Variants in UHRF2 observed in about 807,000 individuals in gnomAD.
UHRF2 encodes the protein ubiquitin like with PHD and ring finger domains 2, also known as E3 ubiquitin-protein ligase UHRF2.
Under a neutral mutation model 96.8 loss-of-function variants are expected in UHRF2, and 23 were observed. That is an observed-to-expected ratio of 0.24 (90% confidence interval 0.17 to 0.34). The LOEUF (loss-of-function observed/expected upper bound fraction) is 0.34, where lower values mean the gene tolerates loss of function less well. UHRF2 is among the 10% of genes least tolerant of loss of function. UHRF2 has a pLI of 1.00. For synonymous variants in UHRF2, 385 were observed against 332.6 expected (o/e 1.16, Z -1.72); for missense variants, 685 against 981.5 (o/e 0.70, Z 4.04).
chr9:6,469,900 G>A (rs940021199), intron 4 of UHRF2, among the ~76,000 whole-genome samples: 1 of 151,862 alleles, frequency 6.6e-6, no homozygotes, highest in Admixed American at 6.6e-5. Context: ...AAAGATACAA[G>A]TTCAGGTCAA....
chr9:6,498,073 A>G lies in UHRF2; in HGVS notation c.1823A>G (p.Tyr608Cys). ...SSSHGFLVWR[Y>C]LLRRDDVEPA... ...AGCCATGGATTCTTGGTTTGGCGCT[A>G]TCTTTTAAGAAGAGATGATGTTGAA... Residue 608 changes from tyrosine (Y) to cysteine (C), a missense_variant, in exon 12 of 16, where the codon TAT (tyrosine) becomes TGT (cysteine). By Grantham distance (194) the Tyr-to-Cys change is radical. This residue lies in a region of UHRF2 where 73 missense variants were observed against 283.7 expected (regional missense o/e 0.26). Coordinates refer to ENST00000276893, the MANE Select transcript of UHRF2 (RefSeq NM_152896.3). 6.2e-7 allele frequency: 1 copy of G among 1,613,884 alleles called. No homozygotes were observed. Among genetic ancestry groups the G allele is most frequent in the Non-Finnish European group, 8.5e-7 (1 of 1,179,956 alleles).
chr9:6,499,425 A>G (rs1216108816), intron 12 of UHRF2: 1 of 152,330 alleles, frequency 6.6e-6, no homozygotes. Flanking sequence ...TGTTCTTGAT[A>G]TTTTTTTAGA....
chr9:6,421,197 T>C (rs1354870566), intron 2 of UHRF2, 55 bp downstream of exon 2: 9 of 1,323,324 alleles, frequency 6.8e-6, no homozygotes, highest in African/African-American at 4.5e-5. Flanking sequence ...ATTTATTTTC[T>C]GTTCAGGATG....
At chr9:6,450,667 T>C (rs888510093) in intron 3 of UHRF2, among the ~76,000 whole-genome samples, 2 of 152,238 alleles carry the variant, frequency 1.3e-5, no homozygotes, top group African/African-American at 4.8e-5. Context: ...AGTATTATTA[T>C]GAACTTCCAG....
At chr9:6,460,110 A>G (rs1822439911) in intron 3 of UHRF2, among the ~76,000 whole-genome samples, 1 of 152,256 alleles carries the variant, frequency 6.6e-6, no homozygotes, top group African/African-American at 2.4e-5. Context: ...TGCTCTGGGA[A>G]GTCAAATCAT....
At chr9:6,416,811 G>C (rs59140789) in intron 1 of UHRF2, among the ~76,000 whole-genome samples, 3,509 of 152,256 alleles carry the variant, frequency 0.023, 148 homozygotes, top group African/African-American at 0.078. Flanking sequence ...ACAGGCGTGA[G>C]CCACCGCGCC....
intron 6 of UHRF2, among the ~76,000 whole-genome samples, chr9:6,481,194 T>TC (rs1823905002): frequency 6.6e-6 from 1 of 152,226 alleles, no homozygotes; most frequent in African/African-American, 2.4e-5. Flanking sequence ...CAAACATCCT[T>TC]GAAGTCCTGT....
At chr9:6,488,641 A>C (rs1164092248) in intron 9 of UHRF2, among the ~76,000 whole-genome samples, 3 of 144,704 alleles carry the variant, frequency 2.1e-5, no homozygotes, top group African/African-American at 7.8e-5. Context: ...AGCCTCCTGA[A>C]TAGCTGGGAT....
At position 6,424,127 on chromosome 9, in the gene UHRF2, CAAAAT is replaced by C. The variant is rs1563743706; in HGVS notation, c.384+2989_384+2993del. Among the ~76,000 whole-genome samples, 3 of 21,688 alleles carry C rather than the reference CAAAAT, an allele frequency of 1.4e-4. No individual in the cohort carries two copies. The Admixed American group carries it at 1.9e-3, about 13-fold the overall frequency. The allele number at this position is 21,688 out of a possible 152,430, so 14.2% of individuals were successfully genotyped here. A position where few individuals can be genotyped will look rare whatever the true frequency, so the allele number is the denominator to read the frequency against. On this transcript the variant is annotated intron_variant, in intron 2 of 15. Transcript: ENST00000276893. ...TAGATAATGCAATTAGGCAGGAGAA[CAAAAT>C]AAAGTGTAAATATTAGAGAAGGCAA...
chr9:6,499,045 T>A (rs1339746484), intron 12 of UHRF2: 1 of 152,226 alleles, frequency 6.6e-6, no homozygotes, highest in East Asian at 1.9e-4. Context: ...ATAATTCTTT[T>A]TAATATAAAA....
In UHRF2 at chr9:6,481,813, A is replaced by G. The variant is rs1823944836; in HGVS notation, c.1284+47A>G. On this transcript the variant is annotated intron_variant, in intron 7 of 15. Transcript: ENST00000276893. Reference sequence around the variant, plus strand: ...TCTTCCTAATAGCAAGTTATAATATATAATGTTTTAATACCAATAGTAGTA... The same window carrying G: ...TCTTCCTAATAGCAAGTTATAATATGTAATGTTTTAATACCAATAGTAGTA... 6.3e-7 allele frequency: 1 copy of G among 1,589,076 alleles called. No homozygotes were observed. The highest frequency in any genetic ancestry group is 8.5e-7 in the Non-Finnish European group (1 of 1,171,540).
intron 9 of UHRF2, 40 bp downstream of exon 9, chr9:6,486,965 G>A: frequency 6.3e-7 from 1 of 1,585,404 alleles, no homozygotes; most frequent in South Asian, 1.1e-5. Flanking sequence ...TACCTGCCTT[G>A]ACCATTTGTA....
intron 8 of UHRF2, among the ~76,000 whole-genome samples, chr9:6,484,444 T>C (rs1216495115): frequency 2.1e-4 from 21 of 101,424 alleles, no homozygotes; most frequent in Non-Finnish European, 3.3e-4. Context: ...TCTTCCCTCC[T>C]CCCTCCTCCC....
chr9:6,466,413 G>A (rs1430795125), intron 4 of UHRF2, among the ~76,000 whole-genome samples: 2 of 151,932 alleles, frequency 1.3e-5, no homozygotes, highest in Admixed American at 6.6e-5. Context: ...GCTGGTGCAC[G>A]CCTGTAATTC....
At chr9:6,462,865 C>G (rs1587830345) in intron 4 of UHRF2, among the ~76,000 whole-genome samples, 1 of 152,072 alleles carries the variant, frequency 6.6e-6, no homozygotes, top group African/African-American at 2.4e-5. Context: ...TGCAGTAAGC[C>G]GAGATCATGC....
intron 3 of UHRF2, among the ~76,000 whole-genome samples, chr9:6,437,881 A>G (rs762266674): frequency 4.6e-5 from 7 of 152,008 alleles, no homozygotes; most frequent in Non-Finnish European, 1.0e-4. Flanking sequence ...CCAGAGTGCG[A>G]GATTACAGGT....
chr9:6,460,729 A>G lies in UHRF2; in HGVS notation c.801A>G (p.Glu267=), dbSNP rs1241976655. The part of the protein sequence containing the change: ...PGQRGFWFDA[E]ITTLKTISRT... ...AAAGAGGATTCTGGTTTGATGCAGA[A>G]ATTACCACATTGAAGACAATCTCAA... Residue 267 remains glutamate, a synonymous_variant, in exon 4 of 16, where the codon GAA becomes GAG. Transcript: ENST00000276893. 1.2e-6 allele frequency: 2 copies of G among 1,613,972 alleles called. No homozygotes were observed. Among genetic ancestry groups the G allele is most frequent in the South Asian group, 1.1e-5 (1 of 91,068 alleles).
intron 3 of UHRF2, among the ~76,000 whole-genome samples, chr9:6,459,099 G>A (rs1408343685): frequency 2.6e-5 from 4 of 152,120 alleles, no homozygotes; most frequent in Non-Finnish European, 5.9e-5. Flanking sequence ...GATAGCATTA[G>A]GAGAAATACC....
At chr9:6,459,467 G>A (rs908977916) in intron 3 of UHRF2, among the ~76,000 whole-genome samples, 11 of 152,048 alleles carry the variant, frequency 7.2e-5, no homozygotes, top group African/African-American at 2.4e-4. Flanking sequence ...TCAGGAGTTC[G>A]AGACCAGCCT....
Sources: gnomAD v4.1 joint callset for allele counts (sites outside exome capture counted in the v4.1 genomes callset) on GRCh38, gnomAD v4.1.1 for gene constraint, gnomAD v4.1.1 regional missense constraint, MANE v1.5 for transcripts, NCBI Gene and HGNC (gene_info 2026-07-23, HGNC 2026-07-21) for gene names.